The following KCNK12 variants were observed in gnomAD, a reference collection of about 807,000 sequenced individuals.
KCNK12 encodes the protein potassium two pore domain channel subfamily K member 12, also known as potassium channel subfamily K member 12.
In KCNK12, 6 loss-of-function variants were observed where a neutral mutation model predicts 25.3. The observed-to-expected ratio is 0.24, with a 90% CI of 0.13 to 0.47. KCNK12 has a LOEUF of 0.47. KCNK12 is among the 20% of genes least tolerant of loss of function. KCNK12 has a pLI of 0.99. For synonymous variants in KCNK12, 331 were observed against 311.1 expected (o/e 1.06, Z -0.67); for missense variants, 444 against 661.7 (o/e 0.67, Z 3.61).
In KCNK12 at chr2:47,538,537, G is replaced by A. The variant is rs1669126136; in HGVS notation, c.392-16729C>T. Among the ~76,000 whole-genome samples the A allele has an allele frequency of 2.6e-5, 4 of 152,194 alleles. No individual in the cohort carries two copies. The South Asian group carries it at 8.3e-4, about 32-fold the overall frequency. On this transcript the variant is annotated intron_variant, in intron 1 of 1. Transcript: ENST00000327876. The surrounding 1 kb of genome is among the most constrained non-coding windows in gnomAD (Gnocchi z 4.5). ...TGTAATCCCAGCACTTTGGGAGGCT[G>A]AGACAGGTGGATCACTTGAGGTCAG...
chr2:47,522,385 T>C (rs1668678329), intron 1 of KCNK12, among the ~76,000 whole-genome samples: 1 of 152,210 alleles, frequency 6.6e-6, no homozygotes, highest in Admixed American at 6.5e-5. Context: ...GAAACTCCAC[T>C]GCCTACTTGA....
chr2:47,540,904 T>G lies in KCNK12; in HGVS notation c.392-19096A>C, dbSNP rs1311532338. Among the ~76,000 whole-genome samples, 5 of 152,132 alleles carry G rather than the reference T, an allele frequency of 3.3e-5. No homozygotes were observed. The highest frequency in any genetic ancestry group is 1.2e-4 in the African/African-American group (5 of 41,418). On this transcript the variant is annotated intron_variant, in intron 1 of 1. Coordinates refer to ENST00000327876, the MANE Select transcript of KCNK12 (RefSeq NM_022055.2). This position sits in a 1 kb window ranked among gnomAD's most constrained non-coding sequence, Gnocchi z 5.4. ...TCAAGGCTGGAGTGAGCTGTGATTC[T>G]ACCACTGCACTCCAGCCTGGGCAAC...
At chr2:47,544,195 G>T (rs1301310013) in intron 1 of KCNK12, among the ~76,000 whole-genome samples, 1 of 152,162 alleles carries the variant, frequency 6.6e-6, no homozygotes, top group African/African-American at 2.4e-5. Context: ...ACTACCCTGT[G>T]CCCCCATTCC....
chr2:47,522,925 G>A (rs959667378), intron 1 of KCNK12, among the ~76,000 whole-genome samples: 2 of 151,534 alleles, frequency 1.3e-5, no homozygotes, highest in Non-Finnish European at 2.9e-5. Flanking sequence ...ATAGATTTTC[G>A]GTCCCTCCCT....
At position 47,569,283 on chromosome 2, in the gene KCNK12, G is replaced by T. The variant is rs578150039; in HGVS notation, c.391+658C>A. On this transcript the variant is annotated intron_variant, in intron 1 of 1. Coordinates refer to ENST00000327876, the MANE Select transcript of KCNK12 (RefSeq NM_022055.2). The surrounding 1 kb of genome is among the most constrained non-coding windows in gnomAD (Gnocchi z 4.1). The stretch of plus-strand genomic sequence containing the variant: ...GAACAAAAAAAGGGTCAAGAAATTG[G>T]AGAAGGGGCTGGGAGCTGGGGGAGA... Among the ~76,000 whole-genome samples, 1 of 152,170 alleles carries T rather than the reference G, an allele frequency of 6.6e-6. No homozygotes were observed. Among genetic ancestry groups the T allele is most frequent in the African/African-American group, 2.4e-5 (1 of 41,434 alleles).
rs982890222 is a variant in KCNK12 at position 47,560,377 on chromosome 2, C to G, written c.391+9564G>C. 1.4e-4 allele frequency among the ~76,000 whole-genome samples: 21 copies of G among 152,172 alleles called. No homozygotes were observed. Among genetic ancestry groups the G allele is most frequent in the Non-Finnish European group, 2.5e-4 (17 of 68,026 alleles). On this transcript the variant is annotated intron_variant, in intron 1 of 1. Coordinates refer to ENST00000327876, the MANE Select transcript of KCNK12 (RefSeq NM_022055.2). The surrounding 1 kb of genome is among the most constrained non-coding windows in gnomAD (Gnocchi z 4.7). The stretch of plus-strand genomic sequence containing the variant: ...GCAGGCAGCCCTCGCTTTAGTGTAG[C>G]CACTGACACTGCCAGAAGCACAGCA...
At position 47,560,906 on chromosome 2, in the gene KCNK12, G is replaced by A. The variant is rs747791317; in HGVS notation, c.391+9035C>T. Among the ~76,000 whole-genome samples the A allele has an allele frequency of 2.6e-5, 4 of 152,148 alleles. No individual in the cohort carries two copies. The highest frequency in any genetic ancestry group is 1.9e-4 in the East Asian group (1 of 5,182). On this transcript the variant is annotated intron_variant, in intron 1 of 1. Transcript: ENST00000327876. The surrounding 1 kb of genome is among the most constrained non-coding windows in gnomAD (Gnocchi z 4.7). Reference sequence around the variant, plus strand: ...CTGGCCCCAGATCCTGTCCTGCTCCGGGAGGCTTCTGCCTGGGAAGGGGGT... The same window carrying A: ...CTGGCCCCAGATCCTGTCCTGCTCCAGGAGGCTTCTGCCTGGGAAGGGGGT...
At position 47,538,175 on chromosome 2, in the gene KCNK12, A is replaced by G. The variant is rs748714443; in HGVS notation, c.392-16367T>C. Among the ~76,000 whole-genome samples the G allele has an allele frequency of 6.6e-6, 1 of 152,208 alleles. No individual in the cohort carries two copies. The highest frequency in any genetic ancestry group is 1.5e-5 in the Non-Finnish European group (1 of 68,040). ...TTGGGATTCAACAGTGATCTAAAAGACAAAGTCCCCTACCCTCAAGAAGCT... is the reference window on the plus strand; with the variant it reads ...TTGGGATTCAACAGTGATCTAAAAGGCAAAGTCCCCTACCCTCAAGAAGCT... On this transcript the variant is annotated intron_variant, in intron 1 of 1. Coordinates refer to ENST00000327876, the MANE Select transcript of KCNK12 (RefSeq NM_022055.2). This position sits in a 1 kb window ranked among gnomAD's most constrained non-coding sequence, Gnocchi z 4.5.
Position 47,525,589 on chromosome 2 carries a change from A to C in KCNK12, c.392-3781T>G, listed in dbSNP as rs918875770. ...CATCTGTACTTCAAGGGCTTGCTTCATCAGGAGATGTGAGGGTGACATGGG... is the reference window on the plus strand; with the variant it reads ...CATCTGTACTTCAAGGGCTTGCTTCCTCAGGAGATGTGAGGGTGACATGGG... On this transcript the variant is annotated intron_variant, in intron 1 of 1. Coordinates refer to ENST00000327876, the MANE Select transcript of KCNK12 (RefSeq NM_022055.2). This position sits in a 1 kb window ranked among gnomAD's most constrained non-coding sequence, Gnocchi z 4.1. 1.3e-5 allele frequency among the ~76,000 whole-genome samples: 2 copies of C among 152,200 alleles called. No individual in the cohort carries two copies. Among genetic ancestry groups the C allele is most frequent in the Non-Finnish European group, 2.9e-5 (2 of 68,022 alleles).
rs1408250244 is a variant in KCNK12, at chr2:47,538,444, C to T, written c.392-16636G>A. Among the ~76,000 whole-genome samples, 3 of 151,896 alleles carry T rather than the reference C, an allele frequency of 2.0e-5. No individual in the cohort carries two copies. The highest frequency in any genetic ancestry group is 4.4e-5 in the Non-Finnish European group (3 of 67,972). On this transcript the variant is annotated intron_variant, in intron 1 of 1. Coordinates refer to ENST00000327876, the MANE Select transcript of KCNK12 (RefSeq NM_022055.2). This position sits in a 1 kb window ranked among gnomAD's most constrained non-coding sequence, Gnocchi z 4.5. ...GCTAGTCAACAGCACGAGCAAAGGC[C>T]CTGAGGCAGAGGGGCTGGAAACAGA...
rs1438991806 is a variant in KCNK12 at position 47,529,427 on chromosome 2, C to G, written c.392-7619G>C. 3.9e-5 allele frequency among the ~76,000 whole-genome samples: 6 copies of G among 152,174 alleles called. No homozygotes were observed. The highest frequency in any genetic ancestry group is 3.9e-4 in the Admixed American group (6 of 15,288). On this transcript the variant is annotated intron_variant, in intron 1 of 1. Transcript: ENST00000327876. The surrounding 1 kb of genome is among the most constrained non-coding windows in gnomAD (Gnocchi z 4.3). ...AAGAAATAATGTTAATAAGGTATTC[C>G]AGATGACCCTATTGGTTGGAATCTG...
chr2:47,530,084 G>T (rs967379726), intron 1 of KCNK12, among the ~76,000 whole-genome samples: 3 of 152,122 alleles, frequency 2.0e-5, no homozygotes, highest in Non-Finnish European at 4.4e-5. Flanking sequence ...GGGATTAAGA[G>T]CCTCACTTTA....
Position 47,560,869 on chromosome 2 carries a change from C to G in KCNK12, c.391+9072G>C, listed in dbSNP as rs193210201. On this transcript the variant is annotated intron_variant, in intron 1 of 1. Transcript: ENST00000327876. This position sits in a 1 kb window ranked among gnomAD's most constrained non-coding sequence, Gnocchi z 4.7. ...TGGAAAGGGGAGATACTGGTGGGCTCTGTGGCCTCCCCTGGCCCCAGATCC... is the reference window on the plus strand; with the variant it reads ...TGGAAAGGGGAGATACTGGTGGGCTGTGTGGCCTCCCCTGGCCCCAGATCC... Among the ~76,000 whole-genome samples, 1 of 152,174 alleles carries G rather than the reference C, an allele frequency of 6.6e-6. No homozygotes were observed. The highest frequency in any genetic ancestry group is 1.5e-5 in the Non-Finnish European group (1 of 68,026).
intron 1 of KCNK12, among the ~76,000 whole-genome samples, chr2:47,532,015 C>A (rs1476598579): frequency 6.6e-6 from 1 of 151,846 alleles, no homozygotes; most frequent in Non-Finnish European, 1.5e-5. Context: ...TCACTGCACT[C>A]CAGCCTGGGT....
rs994071143 is a variant in KCNK12, at chr2:47,516,289, GC to G, written c.*4617del. Among the ~76,000 whole-genome samples the G allele has an allele frequency of 6.6e-6, 1 of 152,190 alleles. No homozygotes were observed. The highest frequency in any genetic ancestry group is 2.4e-5 in the African/African-American group (1 of 41,440). On this transcript the variant is annotated 3_prime_UTR_variant, in exon 2 of 2. Coordinates refer to ENST00000327876, the MANE Select transcript of KCNK12 (RefSeq NM_022055.2). ...ATGAAATCAGACTCCTGGGAGTACGGCCCGGGCCTCGGGATCCTTTAAAGCT... is the reference window on the plus strand; with the variant it reads ...ATGAAATCAGACTCCTGGGAGTACGGCCGGGCCTCGGGATCCTTTAAAGCT...
rs376145831 is a variant in KCNK12, at chr2:47,535,342, GTC to G, written c.392-13536_392-13535del. The G allele has an allele frequency of 1.8e-4, 41 of 233,264 alleles. No homozygotes were observed. The South Asian group carries it at 5.2e-3, about 30-fold the overall frequency. 14.4% of individuals were successfully genotyped at this position (233,264 alleles called of 1,614,324 possible). A position where few individuals can be genotyped will look rare whatever the true frequency, so the allele number is the denominator to read the frequency against. On this transcript the variant is annotated intron_variant, in intron 1 of 1. Transcript: ENST00000327876. ...CTGCCCACAGCACCTCAGCACATGG[GTC>G]TCTCTCTCTTTTCATCCAGCCCAAA...
intron 1 of KCNK12, among the ~76,000 whole-genome samples, chr2:47,552,495 T>C (rs1162294509): frequency 1.3e-5 from 2 of 152,226 alleles, no homozygotes; most frequent in Middle Eastern, 3.2e-3. Flanking sequence ...CTGTAGAGCC[T>C]GGCGGCTCAT....
intron 1 of KCNK12, among the ~76,000 whole-genome samples, chr2:47,559,256 G>A (rs1038406856): frequency 1.3e-5 from 2 of 152,180 alleles, no homozygotes; most frequent in African/African-American, 4.8e-5. Flanking sequence ...CTGCACACCT[G>A]CCAGCCACTG....
rs1159688477 is a variant in KCNK12, at chr2:47,531,677, A to G, written c.392-9869T>C. Among the ~76,000 whole-genome samples the G allele has an allele frequency of 2.6e-5, 4 of 152,174 alleles. No homozygotes were observed. The South Asian group carries it at 8.3e-4, about 32-fold the overall frequency. ...AGCAGGGGAATCTGTGGAAGAAGGCAAGGGACAATGCTGGTGAGGCAGGAG... is the reference window on the plus strand; with the variant it reads ...AGCAGGGGAATCTGTGGAAGAAGGCGAGGGACAATGCTGGTGAGGCAGGAG... On this transcript the variant is annotated intron_variant, in intron 1 of 1. Coordinates refer to ENST00000327876, the MANE Select transcript of KCNK12 (RefSeq NM_022055.2).
Sources: allele counts gnomAD v4.1 joint callset (sites outside exome capture counted in the v4.1 genomes callset), GRCh38; gene constraint gnomAD v4.1.1; non-coding constraint Gnocchi (gnomAD v3.1); transcripts MANE v1.5; gene names NCBI Gene and HGNC (gene_info 2026-07-23, HGNC 2026-07-21).